WNT7B: variants seen among roughly 807,000 people sequenced by gnomAD.
WNT7B encodes protein Wnt-7b.
WNT7B carries 19 observed loss-of-function variants against 38.2 expected under a neutral mutation model. The ratio of observed to expected loss-of-function variants is 0.50; its 90% CI spans 0.35 to 0.73. The LOEUF (loss-of-function observed/expected upper bound fraction) is 0.73. Ranked by LOEUF, WNT7B falls within the 30% of genes least tolerant of loss-of-function variation. WNT7B has a pLI of 0.01. For missense variants in WNT7B, 423 were observed against 507.9 expected (o/e 0.83, Z 1.61); for synonymous variants, 243 against 209.3 (o/e 1.16, Z -1.39).
At chr22:45,943,236 G>T (rs912655940) in intron 2 of WNT7B, among the ~76,000 whole-genome samples, 1 of 152,118 alleles carries the variant, frequency 6.6e-6, no homozygotes, top group Non-Finnish European at 1.5e-5. Context: ...AGCCCCACCC[G>T]GACCCCACCC....
chr22:45,966,347 C>T lies in WNT7B; in HGVS notation c.71+10337G>A, dbSNP rs549801418. On this transcript the variant is annotated intron_variant, in intron 1 of 3. Coordinates refer to ENST00000339464, the MANE Select transcript of WNT7B (RefSeq NM_058238.3). The surrounding 1 kb of genome is among the most constrained non-coding windows in gnomAD (Gnocchi z 4.2). ...TCTGGATGCCTCCTCACCCTGGCCA[C>T]GCCAATACCCACTGCGCGGAGGCCA... Among the ~76,000 whole-genome samples the T allele has an allele frequency of 3.3e-5, 5 of 152,208 alleles. No individual in the cohort carries two copies. The highest frequency in any genetic ancestry group is 1.2e-4 in the African/African-American group (5 of 41,436).
chr22:45,931,003 T>G (rs1931331247), intron 3 of WNT7B, 95 bp downstream of exon 3: 1 of 1,442,192 alleles, frequency 6.9e-7, no homozygotes, highest in African/African-American at 1.4e-5. Flanking sequence ...GAGACTCAAC[T>G]GCTTCTGCTA....
At chr22:45,959,567 C>T (rs916358630) in intron 1 of WNT7B, among the ~76,000 whole-genome samples, 2 of 152,142 alleles carry the variant, frequency 1.3e-5, no homozygotes, top group Non-Finnish European at 2.9e-5. Flanking sequence ...CCAGGCACCT[C>T]CACCTCAGTA....
chr22:45,959,267 G>T (rs886956059), intron 1 of WNT7B, among the ~76,000 whole-genome samples: 1 of 152,178 alleles, frequency 6.6e-6, no homozygotes, highest in African/African-American at 2.4e-5. Flanking sequence ...CGCGGCCGTG[G>T]GCTGTCCCCT....
chr22:45,967,166 C>T (rs891662610), intron 1 of WNT7B, among the ~76,000 whole-genome samples: 2 of 152,206 alleles, frequency 1.3e-5, no homozygotes, highest in Admixed American at 6.5e-5. Context: ...GCGCCAGGGA[C>T]GGAGGACAAA....
chr22:45,950,117 G>A lies in WNT7B; in HGVS notation c.101C>T (p.Ala34Val). 1 of 1,613,994 alleles carries A rather than the reference G, an allele frequency of 6.2e-7. No individual in the cohort carries two copies. Among genetic ancestry groups the A allele is most frequent in the Non-Finnish European group, 8.5e-7 (1 of 1,180,040 alleles). The stretch of plus-strand genomic sequence containing the variant: ...AGGAATCTTGTTGCAGATGATGTTG[G>A]CTCCCAGGGCCACCACGGATGACAG... ...GALSSVVALG[A>V]NIICNKIPGL... is the part of the protein sequence containing the mutation. The change falls in exon 2 of 4, where the codon GCC becomes GTC. Residue 34 changes from alanine to valine, a missense_variant. Physicochemically the swap from Ala to Val is moderately conservative, Grantham distance 64. Around this residue, in one of 3 missense-constraint regions of WNT7B, gnomAD observed 133 missense variants for 179.8 expected, o/e 0.74. Transcript: ENST00000339464.
chr22:45,970,986 C>G (rs1185936245), intron 1 of WNT7B, among the ~76,000 whole-genome samples: 1 of 152,254 alleles, frequency 6.6e-6, no homozygotes, highest in Admixed American at 6.5e-5. Context: ...CCGCGGGCCT[C>G]GCAGCATCTG....
intron 2 of WNT7B, among the ~76,000 whole-genome samples, chr22:45,942,195 C>T (rs188130215): frequency 1.2e-3 from 179 of 152,306 alleles, no homozygotes; most frequent in African/African-American, 4.0e-3. Flanking sequence ...TGGTGTTACC[C>T]GGCCCAGCTG....
At chr22:45,961,989 C>A (rs1334993045) in intron 1 of WNT7B, among the ~76,000 whole-genome samples, 1 of 152,216 alleles carries the variant, frequency 6.6e-6, no homozygotes, top group African/African-American at 2.4e-5. Flanking sequence ...CTGCTCTGCT[C>A]AGCTCTTGGC....
intron 1 of WNT7B, among the ~76,000 whole-genome samples, chr22:45,958,678 G>C (rs1243352928): frequency 6.6e-6 from 1 of 152,222 alleles, no homozygotes; most frequent in Non-Finnish European, 1.5e-5. Flanking sequence ...GGAAGGCAGG[G>C]AGCGAGCACG....
intron 3 of WNT7B, 143 bp downstream of exon 3, chr22:45,930,955 T>C (rs1868850899): frequency 8.6e-7 from 1 of 1,164,844 alleles, no homozygotes; most frequent in Non-Finnish European, 1.2e-6. Context: ...GCCATGCACG[T>C]GGAGGACCCA....
At chr22:45,936,009 A>C in intron 2 of WNT7B, 1 of 985,330 alleles carries the variant, frequency 1.0e-6, no homozygotes, top group Non-Finnish European at 1.2e-6. Flanking sequence ...GTACCCCCAG[A>C]TTCTAGAGCC....
chr22:45,928,074 C>A (rs963817926), intron 3 of WNT7B, among the ~76,000 whole-genome samples: 2 of 152,164 alleles, frequency 1.3e-5, no homozygotes, highest in African/African-American at 4.8e-5. Flanking sequence ...ACCAGCACCT[C>A]GATTTTGGAC....
chr22:45,930,209 CCT>C (rs1376453153), intron 3 of WNT7B, among the ~76,000 whole-genome samples: 7 of 152,276 alleles, frequency 4.6e-5, no homozygotes, highest in Non-Finnish European at 7.3e-5. Context: ...GGCCCTGATT[CCT>C]CTCTGCCCCG....
In WNT7B at chr22:45,923,278, T is replaced by C. The variant is rs1305743869; in HGVS notation, c.628A>G (p.Thr210Ala). Residue 210 changes from threonine to alanine, a missense_variant, in exon 4 of 4, where the codon ACC (threonine) becomes GCC (alanine). Thr to Ala is a moderately conservative substitution (Grantham distance 58, BLOSUM62 0). Around this residue, in one of 3 missense-constraint regions of WNT7B, gnomAD observed 158 missense variants for 214.7 expected, o/e 0.74. Coordinates refer to ENST00000339464, the MANE Select transcript of WNT7B (RefSeq NM_058238.3). ...AGCGTGGTCCAGCAGGTTTTGGTGGTGCAGGAGCCAGACACGCCGTGGCAC... is the reference window on the plus strand; with the variant it reads ...AGCGTGGTCCAGCAGGTTTTGGTGGCGCAGGAGCCAGACACGCCGTGGCAC... ...CKCHGVSGSC[T>A]TKTCWTTLPK... 1 of 1,613,324 alleles carries C rather than the reference T, an allele frequency of 6.2e-7. No individual in the cohort carries two copies. The highest frequency in any genetic ancestry group is 8.5e-7 in the Non-Finnish European group (1 of 1,179,842).
At chr22:45,956,162 C>T (rs907306418) in intron 1 of WNT7B, among the ~76,000 whole-genome samples, 1 of 152,194 alleles carries the variant, frequency 6.6e-6, no homozygotes, top group Non-Finnish European at 1.5e-5. Context: ...CCCTGGGGTG[C>T]CTGAGTCTGC....
chr22:45,941,699 C>T (rs914743343), intron 2 of WNT7B, among the ~76,000 whole-genome samples: 7 of 152,078 alleles, frequency 4.6e-5, no homozygotes, highest in African/African-American at 1.7e-4. Context: ...GAACTCAAGC[C>T]TGGCCCCGCG....
At chr22:45,953,462 C>T (rs549696833) in intron 1 of WNT7B, among the ~76,000 whole-genome samples, 21 of 152,302 alleles carry the variant, frequency 1.4e-4, no homozygotes, top group South Asian at 6.2e-4. Context: ...GTGGCCATCC[C>T]GAGTGTTTGT....
rs994396120 is a variant in WNT7B, at chr22:45,934,408, G to A, written c.299-3039C>T. Among the ~76,000 whole-genome samples, 3 of 152,190 alleles carry A rather than the reference G, an allele frequency of 2.0e-5. No homozygotes were observed. In the East Asian group the frequency reaches 5.8e-4, roughly 29 times the overall value. Reference sequence around the variant, plus strand: ...GGCAGGCTCTGGGTAGGAGCTCTAGGGAGGCTGAGCTGGCTCTGGAGTGGG... The same window carrying A: ...GGCAGGCTCTGGGTAGGAGCTCTAGAGAGGCTGAGCTGGCTCTGGAGTGGG... On this transcript the variant is annotated intron_variant, in intron 2 of 3. Coordinates refer to ENST00000339464, the MANE Select transcript of WNT7B (RefSeq NM_058238.3).
Sources: gnomAD v4.1 joint callset for allele counts (sites outside exome capture counted in the v4.1 genomes callset) on GRCh38, gnomAD v4.1.1 for gene constraint, gnomAD v4.1.1 regional missense constraint, Gnocchi (gnomAD v3.1) non-coding constraint, MANE v1.5 for transcripts, NCBI Gene and HGNC (gene_info 2026-07-23, HGNC 2026-07-21) for gene names.